The following SGK1 variants were observed in gnomAD, a reference collection of about 807,000 sequenced individuals.
SGK1 encodes serum/glucocorticoid regulated kinase 1.
SGK1 carries 26 observed loss-of-function variants against 64.2 expected under a neutral mutation model. The observed-to-expected ratio is 0.40, with a 90% CI of 0.30 to 0.56. The LOEUF (loss-of-function observed/expected upper bound fraction) is 0.56. Among genes scored for constraint, SGK1 ranks in the 20% least tolerant of loss-of-function variants. SGK1 has a pLI of 0.38. For missense variants in SGK1, 519 were observed against 645.6 expected (o/e 0.80, Z 2.12); for synonymous variants, 265 against 239.7 (o/e 1.11, Z -0.98).
intron 1 of SGK1, among the ~76,000 whole-genome samples, chr6:134,286,553 G>A (rs1214481507): frequency 2.8e-5 from 4 of 144,906 alleles, no homozygotes; most frequent in Non-Finnish European, 5.9e-5. Context: ...TGCAAGCTCC[G>A]CCTCCCGGGT....
chr6:134,243,348 T>G (rs1320502370), intron 2 of SGK1, among the ~76,000 whole-genome samples: 2 of 152,068 alleles, frequency 1.3e-5, no homozygotes, highest in African/African-American at 4.8e-5. Flanking sequence ...TTGTATTTAT[T>G]TTTTATTTAT....
intron 2 of SGK1, among the ~76,000 whole-genome samples, chr6:134,224,513 AG>A (rs1385205255): frequency 6.6e-6 from 1 of 152,100 alleles, no homozygotes; most frequent in Non-Finnish European, 1.5e-5. Flanking sequence ...TTCCCTTTGC[AG>A]GTATTTTCCA....
At chr6:134,246,305 C>T (rs917668399) in intron 2 of SGK1, among the ~76,000 whole-genome samples, 4 of 150,502 alleles carry the variant, frequency 2.7e-5, no homozygotes, top group East Asian at 2.0e-4. Flanking sequence ...TGTGCCACCC[C>T]GCCTGGCTAA....
rs573091377 is a variant in SGK1 at position 134,211,877 on chromosome 6, GAAA to G, written c.286-4449_286-4447del. Among the ~76,000 whole-genome samples the G allele has an allele frequency of 8.7e-3, 713 of 81,614 alleles. 12 individuals are homozygous for G. The highest frequency in any genetic ancestry group is 0.027 in the African/African-American group (633 of 23,730). The allele number at this position is 81,614 out of a possible 152,430, so 53.5% of individuals were successfully genotyped here. The stretch of plus-strand genomic sequence containing the variant: ...GAGAGAGCGAGATTCCGTCTACAAG[GAAA>G]AAAAAAAAAAAAAAAAAAAATCCCT... On this transcript the variant is annotated intron_variant, in intron 2 of 13. Transcript: ENST00000367858.
At chr6:134,273,465 C>T (rs1292341169) in intron 1 of SGK1, among the ~76,000 whole-genome samples, 1 of 148,448 alleles carries the variant, frequency 6.7e-6, no homozygotes, top group African/African-American at 2.5e-5. Flanking sequence ...TAGTGGTGGG[C>T]GCCTGTAGTC....
chr6:134,255,310 C>T (rs150190274), intron 2 of SGK1, among the ~76,000 whole-genome samples: 238 of 152,208 alleles, frequency 1.6e-3, no homozygotes, highest in African/African-American at 5.3e-3. Context: ...ATGGATATTA[C>T]TGTACCTATC....
intron 2 of SGK1, among the ~76,000 whole-genome samples, chr6:134,237,115 C>G (rs553264208): frequency 2.7e-5 from 4 of 145,748 alleles, no homozygotes; most frequent in Admixed American, 7.0e-5. Context: ...AATGCAGTGG[C>G]GCGATCTCAG....
At chr6:134,190,554 G>A (rs999337783) in intron 3 of SGK1, among the ~76,000 whole-genome samples, 2 of 152,090 alleles carry the variant, frequency 1.3e-5, no homozygotes, top group Non-Finnish European at 2.9e-5. Context: ...CCAAAGTACT[G>A]GGATTATAGG....
intron 3 of SGK1, among the ~76,000 whole-genome samples, chr6:134,190,943 C>T (rs1349869930): frequency 6.6e-6 from 1 of 152,184 alleles, no homozygotes; most frequent in Non-Finnish European, 1.5e-5. Context: ...GCTTATCTTC[C>T]TCATATGTGC....
intron 1 of SGK1, among the ~76,000 whole-genome samples, chr6:134,292,123 A>T (rs1777275709): frequency 6.6e-6 from 1 of 152,140 alleles, no homozygotes; most frequent in African/African-American, 2.4e-5. Flanking sequence ...TTATGGCAAG[A>T]CAACAAATCA....
intron 3 of SGK1, among the ~76,000 whole-genome samples, chr6:134,187,076 A>G (rs1775437393): frequency 6.6e-6 from 1 of 152,084 alleles, no homozygotes; most frequent in Non-Finnish European, 1.5e-5. Context: ...TCGGCCTCCC[A>G]AAGTTCTGGG....
chr6:134,175,009 C>A, intron 3 of SGK1: 1 of 1,108,986 alleles, frequency 9.0e-7, no homozygotes, highest in Admixed American at 3.0e-5. Context: ...ACGCTGCCTG[C>A]GGCGGGCGGT....
intron 2 of SGK1, chr6:134,259,778 G>A (rs556752061): frequency 2.0e-5 from 3 of 152,268 alleles, no homozygotes; most frequent in African/African-American, 7.2e-5. Flanking sequence ...CATCAGGAGC[G>A]ATAAATAGAT....
chr6:134,181,072 A>G (rs930206009), intron 3 of SGK1, among the ~76,000 whole-genome samples: 8 of 152,174 alleles, frequency 5.3e-5, no homozygotes, highest in Non-Finnish European at 8.8e-5. Context: ...CCTCCTCTCC[A>G]TTCTCTCCAA....
chr6:134,197,548 G>A (rs192351654), intron 3 of SGK1, among the ~76,000 whole-genome samples: 15 of 152,188 alleles, frequency 9.9e-5, no homozygotes, highest in Admixed American at 3.3e-4. Flanking sequence ...AAAGTAGGCC[G>A]GGCGTGGTGG....
intron 2 of SGK1, among the ~76,000 whole-genome samples, chr6:134,237,058 C>CT (rs56379518): frequency 0.22 from 29,818 of 138,192 alleles, 5,331 homozygotes; most frequent in African/African-American, 0.49. Flanking sequence ...TTTTCTTTTT[C>CT]TTTTTTTTTT....
chr6:134,302,318 G>T (rs1430619209), intron 1 of SGK1, among the ~76,000 whole-genome samples: 1 of 152,170 alleles, frequency 6.6e-6, no homozygotes, highest in Non-Finnish European at 1.5e-5. Context: ...GAGATCCTGC[G>T]CAAATGAAAT....
In SGK1 at chr6:134,316,177, C is replaced by T. The variant is rs1217327524; in HGVS notation, c.69+1215G>A. Among the ~76,000 whole-genome samples the T allele has an allele frequency of 3.9e-5, 6 of 152,332 alleles. No individual in the cohort carries two copies. In the South Asian group the frequency reaches 1.0e-3, roughly 26 times the overall value. On this transcript the variant is annotated intron_variant, in intron 1 of 13. Transcript: ENST00000367858. ...AGTCAAGGGTGCTTGGGAGCCTTCG[C>T]TGGCCCTCTAGCTGGGCCTGACATG...
At chr6:134,309,034 A>G (rs1344413699) in intron 1 of SGK1, among the ~76,000 whole-genome samples, 3 of 152,198 alleles carry the variant, frequency 2.0e-5, no homozygotes, top group Admixed American at 6.5e-5. Context: ...CTAGGAGGGA[A>G]AAAGAGGCCA....
Sources: allele counts gnomAD v4.1 joint callset (sites outside exome capture counted in the v4.1 genomes callset), GRCh38; gene constraint gnomAD v4.1.1; transcripts MANE v1.5; gene names NCBI Gene and HGNC (gene_info 2026-07-23, HGNC 2026-07-21).